PFKL: variants seen among roughly 807,000 people sequenced by gnomAD.
The protein encoded by PFKL is ATP-dependent 6-phosphofructokinase, liver type.
Under a neutral mutation model 92.1 loss-of-function variants are expected in PFKL, and 74 were observed. The ratio of observed to expected loss-of-function variants is 0.80; its 90% CI spans 0.67 to 0.97. The LOEUF (loss-of-function observed/expected upper bound fraction) is 0.97, where lower values mean the gene tolerates loss of function less well. Among genes scored for constraint, PFKL ranks in the 50% least tolerant of loss-of-function variants. PFKL has a pLI of 0.00. For synonymous variants in PFKL, 494 were observed against 456.4 expected (o/e 1.08, Z -1.05); for missense variants, 1,028 against 1,116.6 (o/e 0.92, Z 1.13).
At position 44,322,128 on chromosome 21, in the gene PFKL, G is replaced by C. The variant is rs771789222; in HGVS notation, c.1339-5G>C. ...GGCCCCTGAAGCTGCATCTCCTCCTGGCAGGTGCAAGAAGTAGGCTGGCAC... is the reference window on the plus strand; with the variant it reads ...GGCCCCTGAAGCTGCATCTCCTCCTCGCAGGTGCAAGAAGTAGGCTGGCAC... On this transcript the variant is annotated splice_region_variant and splice_polypyrimidine_tract_variant and intron_variant, in intron 13 of 21. Transcript: ENST00000349048. 7 of 1,604,326 alleles carry C rather than the reference G, an allele frequency of 4.4e-6. No individual in the cohort carries two copies. The highest frequency in any genetic ancestry group is 5.1e-6 in the Non-Finnish European group (6 of 1,176,860).
chr21:44,319,440 C>T, intron 11 of PFKL, 25 bp downstream of exon 11: 1 of 1,599,778 alleles, frequency 6.3e-7, no homozygotes, highest in Non-Finnish European at 8.6e-7. Context: ...CAGACCCCTG[C>T]ACTCTTACAT....
chr21:44,313,612 T>C (rs1041381130), intron 5 of PFKL, 26 bp from the exon 6 acceptor site: 3 of 1,606,510 alleles, frequency 1.9e-6, no homozygotes, highest in Admixed American at 1.7e-5. Flanking sequence ...CTGGCACTGA[T>C]GCATCCTCCT....
intron 1 of PFKL, chr21:44,305,362 G>C (rs149717397): frequency 2.2e-6 from 3 of 1,365,814 alleles, no homozygotes; most frequent in Admixed American, 3.8e-5. Context: ...GAGTCCTCTC[G>C]TGGGGGTCTC....
chr21:44,308,356 A>G (rs2041013480), intron 2 of PFKL, among the ~76,000 whole-genome samples: 1 of 152,168 alleles, frequency 6.6e-6, no homozygotes, highest in South Asian at 2.1e-4. Context: ...GAGATGAGAC[A>G]TTCTGATATA....
intron 2 of PFKL, among the ~76,000 whole-genome samples, chr21:44,309,409 A>G (rs959484239): frequency 1.3e-5 from 2 of 151,462 alleles, no homozygotes; most frequent in Admixed American, 6.6e-5. Context: ...GAGGGGAAGG[A>G]GGGGAAGGTG....
Position 44,300,177 on chromosome 21 carries a change from C to A in PFKL, c.72C>A (p.Gly24=). Residue 24 remains glycine, a synonymous_variant, in exon 1 of 22, where the codon GGC becomes GGA. Coordinates refer to ENST00000349048, the MANE Select transcript of PFKL (RefSeq NM_002626.6). ...AGKAIGVLTS[G]GDAQGMNAAV... is the part of the protein sequence containing the mutation. Reference sequence around the variant, plus strand: ...AGGCCATCGGCGTCCTGACCAGCGGCGGCGACGCGCAAGGTGGGCGGGGGT... The same window carrying A: ...AGGCCATCGGCGTCCTGACCAGCGGAGGCGACGCGCAAGGTGGGCGGGGGT... 8.7e-7 allele frequency: 1 copy of A among 1,151,584 alleles called. No individual in the cohort carries two copies. 71.3% of individuals were successfully genotyped at this position (1,151,584 alleles called of 1,614,324 possible).
chr21:44,313,958 G>A lies in PFKL; in HGVS notation c.684G>A (p.Leu228=), dbSNP rs111650655. Residue 228 remains leucine (L), a synonymous_variant, in exon 7 of 22, where the codon CTG becomes CTA. Transcript: ENST00000349048. ...CACTGGCCTCAGGGGCCGACTGGCT[G>A]TTCATCCCCGAGGCTCCACCCGAGG... The part of the protein sequence containing the change: ...VSALASGADW[L]FIPEAPPEDG... 1.4e-5 allele frequency: 23 copies of A among 1,607,936 alleles called. No individual in the cohort carries two copies. The highest frequency in any genetic ancestry group is 3.3e-4 in the Middle Eastern group (2 of 6,012).
intron 19 of PFKL, chr21:44,325,727 G>A: frequency 3.6e-6 from 2 of 561,508 alleles, no homozygotes; most frequent in Admixed American, 3.1e-5. Context: ...ACTTGACTTG[G>A]CCAGGGGCAG....
chr21:44,301,676 G>A (rs2040777811), intron 1 of PFKL, among the ~76,000 whole-genome samples: 1 of 152,144 alleles, frequency 6.6e-6, no homozygotes, highest in Admixed American at 6.5e-5. Context: ...AGTCTGGAGG[G>A]CAGACAGGTT....
chr21:44,315,540 C>G (rs917907316), intron 7 of PFKL: 1 of 152,922 alleles, frequency 6.5e-6, no homozygotes, highest in Non-Finnish European at 1.5e-5. Flanking sequence ...CATTGTGGCC[C>G]GTGGTGGGCA....
At position 44,313,965 on chromosome 21, in the gene PFKL, C is replaced by T. The variant is rs772077687; in HGVS notation, c.691C>T (p.Pro231Ser). 6.2e-7 allele frequency: 1 copy of T among 1,608,450 alleles called. No individual in the cohort carries two copies. Among genetic ancestry groups the T allele is most frequent in the South Asian group, 1.1e-5 (1 of 90,028 alleles). Reference sequence around the variant, plus strand: ...CTCAGGGGCCGACTGGCTGTTCATCCCCGAGGCTCCACCCGAGGACGGCTG... The same window carrying T: ...CTCAGGGGCCGACTGGCTGTTCATCTCCGAGGCTCCACCCGAGGACGGCTG... ...LASGADWLFI[P>S]EAPPEDGWEN... is the part of the protein sequence containing the mutation. Residue 231 changes from proline to serine, a missense_variant, in exon 7 of 22, where the codon CCC becomes TCC. By Grantham distance (74) the Pro-to-Ser change is moderately conservative. Coordinates refer to ENST00000349048, the MANE Select transcript of PFKL (RefSeq NM_002626.6).
rs747919988 is a variant in PFKL, at chr21:44,319,407, C to T, written c.1119C>T (p.Leu373=). ...AGAGGTTTGACGAGGCCACCCAGCT[C>T]CGTGGTGGGTAAGCCCCCTCAGCAG... ...DDKRFDEATQ[L]RGGSFENNWN... Residue 373 remains leucine, a synonymous_variant, in exon 11 of 22, where the codon CTC becomes CTT. Transcript: ENST00000349048. 59 of 1,613,300 alleles carry T rather than the reference C, an allele frequency of 3.7e-5. No homozygotes were observed. Among genetic ancestry groups the T allele is most frequent in the Non-Finnish European group, 4.9e-5 (58 of 1,179,672 alleles).
At chr21:44,325,712 G>A (rs2146031988) in intron 19 of PFKL, 1 of 555,894 alleles carries the variant, frequency 1.8e-6, no homozygotes, top group South Asian at 2.2e-5. Context: ...CAGGGCCCAG[G>A]AGTCACTTGA....
chr21:44,309,900 A>G (rs2041065446), intron 2 of PFKL, among the ~76,000 whole-genome samples: 1 of 152,212 alleles, frequency 6.6e-6, no homozygotes, highest in Admixed American at 6.5e-5. Flanking sequence ...CGCCATGGCC[A>G]GAGTGGGGAT....
chr21:44,319,612 G>A lies in PFKL; in HGVS notation c.1127+197G>A, dbSNP rs533672373. The A allele has an allele frequency of 1.6e-4, 97 of 603,506 alleles. 1 individual carries two copies. The highest frequency in any genetic ancestry group is 1.4e-3 in the African/African-American group (75 of 54,116). The allele number at this position is 603,506 out of a possible 1,614,324, so 37.4% of individuals were successfully genotyped here. On this transcript the variant is annotated intron_variant, in intron 11 of 21. Transcript: ENST00000349048. Reference sequence around the variant, plus strand: ...TGTGGTACCACAGGAGACCCTGGGCGGTGGCACGGGCAGGGCCCAGTGCAC... The same window carrying A: ...TGTGGTACCACAGGAGACCCTGGGCAGTGGCACGGGCAGGGCCCAGTGCAC...
chr21:44,307,053 C>T (rs555878428), intron 2 of PFKL, among the ~76,000 whole-genome samples: 93 of 152,262 alleles, frequency 6.1e-4, no homozygotes, highest in Non-Finnish European at 9.3e-4. Flanking sequence ...CTACAGTGAT[C>T]GCTGACGGGC....
At chr21:44,314,351 G>T in intron 7 of PFKL, 1 of 314,004 alleles carries the variant, frequency 3.2e-6, no homozygotes, top group Non-Finnish European at 6.0e-6. Context: ...GTGGGAGGTG[G>T]TTGGTTGTGA....
chr21:44,322,302 T>C, intron 14 of PFKL, 99 bp downstream of exon 14: 9 of 1,133,854 alleles, frequency 7.9e-6, no homozygotes, highest in African/African-American at 1.5e-5. Flanking sequence ...CCCGGGGCCC[T>C]GGGCTCGGCC....
Position 44,319,341 on chromosome 21 carries a change from C to T in PFKL, c.1063-10C>T, listed in dbSNP as rs114427059. 8.9e-4 allele frequency: 1,441 copies of T among 1,612,750 alleles called. 13 individuals are homozygous for T. In the African/African-American group the frequency reaches 0.017, roughly 20 times the overall value. On this transcript the variant is annotated splice_polypyrimidine_tract_variant and intron_variant, in intron 10 of 21. Transcript: ENST00000349048. ...TCTCCATAGTCTGTGTTCTGTTTCT[C>T]TTCCTTAAGACCAAGGAAGTGCAGA...
Sources: allele counts gnomAD v4.1 joint callset (sites outside exome capture counted in the v4.1 genomes callset), GRCh38; gene constraint gnomAD v4.1.1; transcripts MANE v1.5; gene names NCBI Gene and HGNC (gene_info 2026-07-23, HGNC 2026-07-21).